Variants in CRPPA observed in about 807,000 individuals in gnomAD.
CRPPA encodes the protein CDP-L-ribitol pyrophosphorylase A, also known as D-ribitol-5-phosphate cytidylyltransferase.
Under a neutral mutation model 52.0 loss-of-function variants are expected in CRPPA, and 43 were observed. That is an observed-to-expected ratio of 0.83 (90% confidence interval 0.65 to 1.07). The LOEUF (loss-of-function observed/expected upper bound fraction) is 1.07. CRPPA is among the 50% of genes least tolerant of loss of function. CRPPA has a pLI of 0.00. For missense variants in CRPPA, 629 were observed against 551.7 expected (o/e 1.14, Z -1.40); for synonymous variants, 250 against 203.5 (o/e 1.23, Z -1.94).
intron 8 of CRPPA, among the ~76,000 whole-genome samples, chr7:16,216,836 A>C (rs1237428600): frequency 1.3e-5 from 2 of 152,204 alleles, no homozygotes; most frequent in Non-Finnish European, 2.9e-5. Flanking sequence ...TCTGAGATCA[A>C]ACTGCAAGGC....
intron 9 of CRPPA, among the ~76,000 whole-genome samples, chr7:16,180,476 T>C (rs996277803): frequency 4.6e-5 from 7 of 152,134 alleles, no homozygotes; most frequent in Non-Finnish European, 8.8e-5. Context: ...TAAGATGCTA[T>C]CCTTTATAGA....
chr7:16,317,782 T>A (rs1464672924), intron 3 of CRPPA, among the ~76,000 whole-genome samples: 1 of 152,196 alleles, frequency 6.6e-6, no homozygotes, highest in Admixed American at 6.5e-5. Context: ...TGCTAAATTA[T>A]ATGTGAGTTC....
chr7:16,418,507 G>T (rs1272167972), intron 1 of CRPPA, among the ~76,000 whole-genome samples: 1 of 152,208 alleles, frequency 6.6e-6, no homozygotes, highest in Non-Finnish European at 1.5e-5. Context: ...TTGACTCACA[G>T]TTCAGCATGG....
intron 9 of CRPPA, among the ~76,000 whole-genome samples, chr7:16,151,093 GT>G (rs1167256357): frequency 2.0e-5 from 3 of 152,146 alleles, no homozygotes; most frequent in Non-Finnish European, 4.4e-5. Context: ...TAGTTTCTTT[GT>G]CAGAATTTTG....
intron 9 of CRPPA, among the ~76,000 whole-genome samples, chr7:16,099,394 A>AGAAGGAAGGG (rs1781996779): frequency 8.5e-6 from 1 of 117,852 alleles, no homozygotes; most frequent in Non-Finnish European, 1.7e-5. Context: ...AGGGGAGGGG[A>AGAAGGAAGGG]GAAGGAAGGG....
chr7:16,163,452 G>A (rs1049637485), intron 9 of CRPPA, among the ~76,000 whole-genome samples: 1 of 151,868 alleles, frequency 6.6e-6, no homozygotes, highest in Non-Finnish European at 1.5e-5. Flanking sequence ...ACACTGATGG[G>A]TCTTGACTCT....
chr7:16,179,104 A>T (rs1781361511), intron 9 of CRPPA, among the ~76,000 whole-genome samples: 1 of 152,096 alleles, frequency 6.6e-6, no homozygotes, highest in South Asian at 2.1e-4. Context: ...AGAATAATGA[A>T]CTAAAATATT....
intron 2 of CRPPA, among the ~76,000 whole-genome samples, chr7:16,393,450 T>C (rs776016337): frequency 2.0e-4 from 30 of 151,882 alleles, no homozygotes; most frequent in East Asian, 3.9e-4. Flanking sequence ...AGAAACTCAA[T>C]ATATGACAGA....
chr7:16,421,457 C>T lies in CRPPA; in HGVS notation c.-135G>A. The T allele has an allele frequency of 5.8e-6, 5 of 869,476 alleles. No individual in the cohort carries two copies. The highest frequency in any genetic ancestry group is 7.5e-6 in the Non-Finnish European group (5 of 665,316). 53.9% of individuals were successfully genotyped at this position (869,476 alleles called of 1,614,324 possible). On this transcript the variant is annotated 5_prime_UTR_variant, in exon 1 of 10. Transcript: ENST00000407010. Reference sequence around the variant, plus strand: ...CAGAGCGCGCAAGCAGAAGGCGCCCCCCTCAGCCGTCGGAGCCCCGCTGTT... The same window carrying T: ...CAGAGCGCGCAAGCAGAAGGCGCCCTCCTCAGCCGTCGGAGCCCCGCTGTT...
At chr7:16,155,420 CA>C (rs1253476716) in intron 9 of CRPPA, among the ~76,000 whole-genome samples, 2 of 152,228 alleles carry the variant, frequency 1.3e-5, no homozygotes, top group Middle Eastern at 6.8e-3. Flanking sequence ...TCCACTTACC[CA>C]AGGATGTTTT....
chr7:16,192,292 C>G (rs1161630574), intron 9 of CRPPA, among the ~76,000 whole-genome samples: 1 of 152,020 alleles, frequency 6.6e-6, no homozygotes, highest in Non-Finnish European at 1.5e-5. Flanking sequence ...GGTTCTGTGT[C>G]TCTGGAGAAC....
chr7:16,398,314 G>C (rs944480867), intron 2 of CRPPA, among the ~76,000 whole-genome samples: 13 of 151,754 alleles, frequency 8.6e-5, no homozygotes, highest in Non-Finnish European at 1.6e-4. Flanking sequence ...TAATTCACGT[G>C]ATAAACACAT....
intron 5 of CRPPA, among the ~76,000 whole-genome samples, chr7:16,294,711 G>A (rs189811786): frequency 6.6e-6 from 1 of 151,904 alleles, no homozygotes; most frequent in East Asian, 1.9e-4. Flanking sequence ...CAAAACTTGG[G>A]GTTACTATAT....
At chr7:16,420,868 C>T (rs1788314818) in intron 1 of CRPPA, among the ~76,000 whole-genome samples, 198 bp downstream of exon 1, 3 of 152,120 alleles carry the variant, frequency 2.0e-5, no homozygotes, top group Admixed American at 1.3e-4. Context: ...TGTGGGGGAG[C>T]TGCAGCTTTC....
At chr7:16,320,831 CA>C (rs1785248860) in intron 3 of CRPPA, among the ~76,000 whole-genome samples, 1 of 152,044 alleles carries the variant, frequency 6.6e-6, no homozygotes, top group African/African-American at 2.4e-5. Flanking sequence ...GACAGTTATC[CA>C]AGCAGCTTTG....
chr7:16,145,604 G>C (rs1782959454), intron 9 of CRPPA, among the ~76,000 whole-genome samples: 1 of 150,142 alleles, frequency 6.7e-6, no homozygotes, highest in African/African-American at 2.4e-5. Context: ...CAAGATATGA[G>C]GAGAATTAGA....
chr7:16,259,047 A>C (rs1323388741), intron 6 of CRPPA, 35 bp from the exon 7 acceptor site: 1 of 1,407,522 alleles, frequency 7.1e-7, no homozygotes, highest in African/African-American at 1.4e-5. Flanking sequence ...TTCACAAATT[A>C]GATAGACCAA....
chr7:16,232,992 A>G (rs1352805458), intron 8 of CRPPA, among the ~76,000 whole-genome samples: 1 of 152,164 alleles, frequency 6.6e-6, no homozygotes, highest in Non-Finnish European at 1.5e-5. Flanking sequence ...TTAAGCACAG[A>G]TGTAAAATAG....
chr7:16,141,812 G>A (rs1782878083), intron 9 of CRPPA, among the ~76,000 whole-genome samples: 1 of 152,252 alleles, frequency 6.6e-6, no homozygotes, highest in South Asian at 2.1e-4. Flanking sequence ...AAAGAAAAGA[G>A]AAGTTTATTT....
Sources: gnomAD v4.1 joint callset for allele counts (sites outside exome capture counted in the v4.1 genomes callset) on GRCh38, gnomAD v4.1.1 for gene constraint, MANE v1.5 for transcripts, NCBI Gene and HGNC (gene_info 2026-07-23, HGNC 2026-07-21) for gene names.